Variants in QTMAN observed in about 807,000 individuals in gnomAD.
QTMAN encodes the protein tRNA-queuosine alpha-mannosyltransferase.
the QTMAN span, among the ~76,000 whole-genome samples, chr2:143,965,154 C>T: frequency 6.6e-6 from 1 of 151,492 alleles, no homozygotes; most frequent in Non-Finnish European, 1.5e-5. Context: ...AGCTTCTAGG[C>T]TTTTTGGTTC....
At chr2:143,955,264 A>C in the QTMAN span, among the ~76,000 whole-genome samples, 1 of 152,174 alleles carries the variant, frequency 6.6e-6, no homozygotes, top group South Asian at 2.1e-4. Context: ...GAGGAGAGTA[A>C]ATAAAATGGA....
At chr2:143,953,864 T>C in the QTMAN span, among the ~76,000 whole-genome samples, 1 of 152,010 alleles carries the variant, frequency 6.6e-6, no homozygotes, top group African/African-American at 2.4e-5. Context: ...TTTACCTTGT[T>C]TATTTACAGT....
At chr2:144,215,261 A>AAT in the QTMAN span, among the ~76,000 whole-genome samples, 52 of 142,518 alleles carry the variant, frequency 3.6e-4, no homozygotes, top group East Asian at 2.2e-3. Context: ...AAAAAAAAAA[A>AAT]ATATATATAT....
chr2:144,140,840 G>A, the QTMAN span, among the ~76,000 whole-genome samples: 1 of 151,842 alleles, frequency 6.6e-6, no homozygotes, highest in African/African-American at 2.4e-5. Context: ...ATAAAGATTG[G>A]GCAAGATGGT....
At chr2:144,070,705 G>A in the QTMAN span, among the ~76,000 whole-genome samples, 2 of 152,068 alleles carry the variant, frequency 1.3e-5, no homozygotes, top group Non-Finnish European at 1.5e-5. Flanking sequence ...ATGTATTAAA[G>A]TCAATCTTTT....
chr2:144,248,946 T>A, the QTMAN span, among the ~76,000 whole-genome samples: 1 of 152,182 alleles, frequency 6.6e-6, no homozygotes, highest in Non-Finnish European at 1.5e-5. Context: ...ACCTTCAGGA[T>A]TTCTTAACAG....
At chr2:143,974,163 G>A in the QTMAN span, among the ~76,000 whole-genome samples, 6 of 152,092 alleles carry the variant, frequency 3.9e-5, no homozygotes, top group East Asian at 1.9e-4. Flanking sequence ...ACATATGTAC[G>A]GTAGTATGCC....
chr2:144,290,394 T>C, the QTMAN span, among the ~76,000 whole-genome samples: 1 of 152,188 alleles, frequency 6.6e-6, no homozygotes, highest in African/African-American at 2.4e-5. Context: ...CTATCGAAAC[T>C]TCTATCAGCT....
At chr2:143,943,589 TA>T in the QTMAN span, 1 of 152,206 alleles carries the variant, frequency 6.6e-6, no homozygotes, top group Non-Finnish European at 1.5e-5. Flanking sequence ...ATTTTACTTT[TA>T]AAAATATCAA....
At chr2:143,999,093 CT>C in the QTMAN span, among the ~76,000 whole-genome samples, 3 of 152,098 alleles carry the variant, frequency 2.0e-5, no homozygotes, top group Non-Finnish European at 2.9e-5. Context: ...AAAATTCCCC[CT>C]AAACAAAAAA....
the QTMAN span, chr2:143,947,137 T>G: frequency 4.4e-6 from 7 of 1,608,324 alleles, no homozygotes; most frequent in Non-Finnish European, 6.0e-6. Flanking sequence ...GATTTCACCC[T>G]GCAACGAGGA....
the QTMAN span, among the ~76,000 whole-genome samples, chr2:144,288,002 A>T: frequency 1.3e-5 from 2 of 151,856 alleles, no homozygotes; most frequent in African/African-American, 4.8e-5. Context: ...TTACAGGCGC[A>T]CACCACCACA....
the QTMAN span, among the ~76,000 whole-genome samples, chr2:144,133,944 G>C: frequency 6.6e-6 from 1 of 152,132 alleles, no homozygotes; most frequent in South Asian, 2.1e-4. Context: ...ACAGAGCAAA[G>C]GCAGTAGTTT....
chr2:144,059,995 ATTT>A, the QTMAN span, among the ~76,000 whole-genome samples: 1 of 151,896 alleles, frequency 6.6e-6, no homozygotes, highest in Admixed American at 6.6e-5. Flanking sequence ...ATTTTAACTT[ATTT>A]GCAGTCTCCA....
the QTMAN span, among the ~76,000 whole-genome samples, chr2:144,113,460 T>TA: frequency 1.3e-5 from 2 of 151,532 alleles, no homozygotes; most frequent in South Asian, 4.1e-4. Flanking sequence ...TTCAGAAATG[T>TA]ATGGGACTAT....
chr2:144,064,953 G>A, the QTMAN span, among the ~76,000 whole-genome samples: 2 of 152,138 alleles, frequency 1.3e-5, no homozygotes, highest in African/African-American at 4.8e-5. Context: ...AGGAGGAGAG[G>A]GGGGCAGAGT....
the QTMAN span, among the ~76,000 whole-genome samples, chr2:144,127,526 C>T: frequency 6.6e-6 from 1 of 151,890 alleles, no homozygotes; most frequent in Non-Finnish European, 1.5e-5. Context: ...CATACAATAG[C>T]AAATTGAGTC....
At chr2:144,297,961 A>G in the QTMAN span, among the ~76,000 whole-genome samples, 2 of 152,138 alleles carry the variant, frequency 1.3e-5, no homozygotes, top group Non-Finnish European at 2.9e-5. Flanking sequence ...ATACATTATT[A>G]TACCAATGGT....
At chr2:144,022,462 T>C in the QTMAN span, among the ~76,000 whole-genome samples, 2 of 151,828 alleles carry the variant, frequency 1.3e-5, no homozygotes, top group African/African-American at 2.4e-5. Context: ...ACATCTTTCC[T>C]ATTTTCAATT....
Sources: gnomAD v4.1 joint callset for allele counts (sites outside exome capture counted in the v4.1 genomes callset) on GRCh38, gnomAD v4.1.1 for gene constraint, MANE v1.5 for transcripts, NCBI Gene and HGNC (gene_info 2026-07-23, HGNC 2026-07-21) for gene names.